Variants in SLC30A7 observed in about 807,000 individuals in gnomAD.
SLC30A7 encodes zinc transporter 7.
In SLC30A7, 35 loss-of-function variants were observed where a neutral mutation model predicts 46.0. The observed-to-expected ratio is 0.76, with a 90% CI of 0.58 to 1.01. The LOEUF (loss-of-function observed/expected upper bound fraction) is 1.01, where lower values mean the gene tolerates loss of function less well. Ranked by LOEUF, SLC30A7 falls within the 50% of genes least tolerant of loss-of-function variation. SLC30A7 has a pLI of 0.00. For synonymous variants in SLC30A7, 147 were observed against 157.8 expected, an observed-to-expected ratio of 0.93 and a Z score of 0.51; for missense variants, 464 against 451.1, an observed-to-expected ratio of 1.03 and a Z score of -0.26.
chr1:100,993,559 A>AATATAAATATATATATAT, the SLC30A7 span, among the ~76,000 whole-genome samples: 3 of 56,534 alleles, frequency 5.3e-5, no homozygotes, highest in African/African-American at 1.2e-4. Flanking sequence ...CGAAAATATA[A>AATATAAATATATATATAT]ATATATATAT....
rs71084855 is a variant in SLC30A7, at chr1:100,923,004, ATTTTTTTTTTTTTTTT to A, written c.842+1179_842+1194del. 1.4e-4 allele frequency among the ~76,000 whole-genome samples: 7 copies of A among 49,140 alleles called. 1 individual carries two copies. The highest frequency in any genetic ancestry group is 2.1e-4 in the Non-Finnish European group (6 of 28,238). 32.2% of individuals were successfully genotyped at this position (49,140 alleles called of 152,430 possible). On this transcript the variant is annotated intron_variant, in intron 8 of 10. Transcript: ENST00000357650. ...TATAGCTTGTAGTTTGTTAGAATAG[ATTTTTTTTTTTTTTTT>A]TTTTTTTTTTTTTTTGAGACGGAGT...
At chr1:100,951,374 A>G (rs1287709743) in intron 8 of SLC30A7, among the ~76,000 whole-genome samples, 3 of 152,226 alleles carry the variant, frequency 2.0e-5, no homozygotes, top group African/African-American at 7.2e-5. Context: ...AATCAGAAAA[A>G]AAAGCTTTGT....
Position 100,965,955 on chromosome 1 carries a change from A to G in SLC30A7, c.1083+37A>G, listed in dbSNP as rs763165358. ...TTACTAACTTCTTTTAAGGGCCTTA[A>G]CATTTTTTATAACTAGTAGTTTTAA... On this transcript the variant is annotated intron_variant, in intron 10 of 10. Transcript: ENST00000357650. 6.4e-6 allele frequency: 10 copies of G among 1,551,934 alleles called. No homozygotes were observed. In the South Asian group the frequency reaches 9.6e-5, roughly 15 times the overall value.
intron 8 of SLC30A7, among the ~76,000 whole-genome samples, chr1:100,924,079 T>G (rs936068457): frequency 1.3e-5 from 2 of 152,238 alleles, no homozygotes; most frequent in Admixed American, 6.5e-5. Context: ...ATCTCCAGGT[T>G]GACCTTTCTG....
chr1:100,904,085 T>C (rs1034580694), intron 2 of SLC30A7, among the ~76,000 whole-genome samples: 8 of 151,562 alleles, frequency 5.3e-5, no homozygotes, highest in African/African-American at 2.0e-4. Context: ...ACTTTTATAC[T>C]ATACTCTATT....
intron 8 of SLC30A7, among the ~76,000 whole-genome samples, chr1:100,936,586 G>A (rs1203978847): frequency 2.0e-5 from 3 of 152,098 alleles, no homozygotes; most frequent in Non-Finnish European, 2.9e-5. Flanking sequence ...AAATAATTGT[G>A]ATAAGCATAA....
the SLC30A7 span, among the ~76,000 whole-genome samples, chr1:100,991,764 G>C: frequency 8.1e-4 from 107 of 132,902 alleles, no homozygotes; most frequent in East Asian, 0.021. Flanking sequence ...ACTCTAACTT[G>C]GGCAACAAAG....
At chr1:100,985,707 A>C (rs201234300), downstream of SLC30A7, among the ~76,000 whole-genome samples, 12,192 of 150,088 alleles carry the variant, frequency 0.081, 644 homozygotes, top group Middle Eastern at 0.19. Context: ...ATTTACATGA[A>C]AAAAAAAAAT....
intron 9 of SLC30A7, among the ~76,000 whole-genome samples, chr1:100,962,188 C>T (rs949190911): frequency 6.6e-6 from 1 of 152,108 alleles, no homozygotes; most frequent in African/African-American, 2.4e-5. Flanking sequence ...ATTCATTCAA[C>T]ATAGAGTTTT....
chr1:100,942,912 A>C (rs1252446426), intron 8 of SLC30A7, among the ~76,000 whole-genome samples: 1 of 152,246 alleles, frequency 6.6e-6, no homozygotes, highest in African/African-American at 2.4e-5. Context: ...ACATTTTATA[A>C]AACTATGTGG....
intron 8 of SLC30A7, among the ~76,000 whole-genome samples, chr1:100,933,264 G>A (rs553569626): frequency 4.6e-5 from 7 of 152,122 alleles, no homozygotes; most frequent in Non-Finnish European, 7.4e-5. Flanking sequence ...GTGAGCCACC[G>A]TGCCTGGCCA....
At chr1:100,965,991 A>G in intron 10 of SLC30A7, 73 bp downstream of exon 10, 1 of 1,348,382 alleles carries the variant, frequency 7.4e-7, no homozygotes, top group South Asian at 1.4e-5. Context: ...AAATATTTAC[A>G]AGGCCAATGT....
intron 2 of SLC30A7, among the ~76,000 whole-genome samples, chr1:100,903,468 T>C (rs1455672656): frequency 6.6e-6 from 1 of 152,150 alleles, no homozygotes; most frequent in African/African-American, 2.4e-5. Flanking sequence ...TCTTAAAATA[T>C]TAAATCTAAG....
At chr1:100,930,505 A>G (rs1197915011) in intron 8 of SLC30A7, among the ~76,000 whole-genome samples, 2 of 152,092 alleles carry the variant, frequency 1.3e-5, no homozygotes, top group East Asian at 1.9e-4. Context: ...TGATTTTGAT[A>G]AATCTTGTTG....
chr1:100,918,622 A>G (rs1397342327), intron 7 of SLC30A7, among the ~76,000 whole-genome samples: 1 of 152,186 alleles, frequency 6.6e-6, no homozygotes, highest in Non-Finnish European at 1.5e-5. Context: ...TAATACACCT[A>G]ACCTACCGAA....
At position 100,896,102 on chromosome 1, in the gene SLC30A7, A is replaced by G. The variant is rs1351634781; in HGVS notation, c.-161A>G. 13 of 652,350 alleles carry G rather than the reference A, an allele frequency of 2.0e-5. No homozygotes were observed. In the East Asian group the frequency reaches 2.7e-4, roughly 14 times the overall value. The allele number at this position is 652,350 out of a possible 1,614,324, so 40.4% of individuals were successfully genotyped here. A position where few individuals can be genotyped will look rare whatever the true frequency, so the allele number is the denominator to read the frequency against. On this transcript the variant is annotated 5_prime_UTR_variant, in exon 1 of 11. Transcript: ENST00000357650. ...CGCGGCCCGGGCCGGAAGTAAGCGA[A>G]TTCCCGGGTGTGTGTCTGTGTCTGT... is the stretch of plus-strand genomic sequence containing the variant.
intron 8 of SLC30A7, among the ~76,000 whole-genome samples, chr1:100,958,205 C>A (rs1376844518): frequency 6.6e-6 from 1 of 151,632 alleles, no homozygotes; most frequent in Non-Finnish European, 1.5e-5. Context: ...GAGATGGAGT[C>A]TCGCTCTGTC....
intron 9 of SLC30A7, among the ~76,000 whole-genome samples, chr1:100,965,170 T>C (rs1558007755): frequency 6.6e-6 from 1 of 152,220 alleles, no homozygotes; most frequent in African/African-American, 2.4e-5. Flanking sequence ...TGACCATTTC[T>C]GGAGATAGGT....
intron 5 of SLC30A7, 139 bp downstream of exon 5, chr1:100,912,377 C>A: frequency 1.0e-6 from 1 of 985,212 alleles, no homozygotes; most frequent in Non-Finnish European, 1.5e-6. Context: ...CTATCCCTTT[C>A]ACTTCTTTAT....
Sources: allele counts gnomAD v4.1 joint callset (sites outside exome capture counted in the v4.1 genomes callset), GRCh38; gene constraint gnomAD v4.1.1; transcripts MANE v1.5; gene names NCBI Gene and HGNC (gene_info 2026-07-23, HGNC 2026-07-21).